Variants in GFOD2 observed in about 807,000 individuals in gnomAD.
The protein encoded by GFOD2 is Gfo/Idh/MocA-like oxidoreductase domain containing 2.
GFOD2 carries 9 observed loss-of-function variants against 24.6 expected under a neutral mutation model. The ratio of observed to expected loss-of-function variants is 0.37; its 90% CI spans 0.22 to 0.64. The LOEUF (loss-of-function observed/expected upper bound fraction) is 0.64, where lower values mean the gene tolerates loss of function less well. GFOD2 is among the 30% of genes least tolerant of loss of function. GFOD2 has a pLI of 0.65. For missense variants in GFOD2, 476 were observed against 532.5 expected, an observed-to-expected ratio of 0.89 and a Z score of 1.04; for synonymous variants, 211 against 224.8, an observed-to-expected ratio of 0.94 and a Z score of 0.55.
intron 1 of GFOD2, among the ~76,000 whole-genome samples, chr16:67,702,727 G>C (rs1351941302): frequency 1.3e-5 from 2 of 151,062 alleles, no homozygotes; most frequent in African/African-American, 2.4e-5. Flanking sequence ...AACCTCCCGA[G>C]TAGCTGGGAT....
At chr16:67,698,681 A>T (rs1597799507) in intron 1 of GFOD2, among the ~76,000 whole-genome samples, 1 of 152,114 alleles carries the variant, frequency 6.6e-6, no homozygotes, top group South Asian at 2.1e-4. Context: ...GTTTCCCCAT[A>T]TTGGCCAGGC....
chr16:67,715,351 C>T (rs947359055), intron 1 of GFOD2, among the ~76,000 whole-genome samples: 3 of 152,300 alleles, frequency 2.0e-5, no homozygotes, highest in Middle Eastern at 3.4e-3. Context: ...TGAGCCACCG[C>T]GCCTGGCTCT....
chr16:67,691,507 G>C (rs1597796150), intron 1 of GFOD2, among the ~76,000 whole-genome samples: 1 of 135,878 alleles, frequency 7.4e-6, no homozygotes, highest in Non-Finnish European at 1.5e-5. Context: ...ACTGTGCCTA[G>C]ACCCCCCCCC....
chr16:67,714,473 C>CA (rs1265596335), intron 1 of GFOD2, among the ~76,000 whole-genome samples: 1,161 of 53,268 alleles, frequency 0.022, 12 homozygotes, highest in East Asian at 0.056. Flanking sequence ...AACACTGTCT[C>CA]AAAAAAAAAA....
At chr16:67,683,527 G>T in intron 2 of GFOD2, 1 of 1,231,740 alleles carries the variant, frequency 8.1e-7, no homozygotes, top group Non-Finnish European at 1.0e-6. Flanking sequence ...GACCTCCCAA[G>T]CATTTGGTGA....
chr16:67,704,228 A>T (rs1484615797), intron 1 of GFOD2, among the ~76,000 whole-genome samples: 2 of 152,176 alleles, frequency 1.3e-5, no homozygotes, highest in Non-Finnish European at 2.9e-5. Flanking sequence ...ATTTAGTTTA[A>T]TTTGGGTGAC....
At chr16:67,681,680 AT>A in intron 2 of GFOD2, 1 of 973,456 alleles carries the variant, frequency 1.0e-6, no homozygotes, top group Non-Finnish European at 1.2e-6. Flanking sequence ...AAAGTGCTGG[AT>A]TAGAGGTGTG....
intron 2 of GFOD2, among the ~76,000 whole-genome samples, chr16:67,680,154 C>A (rs920323710): frequency 5.9e-5 from 9 of 152,206 alleles, no homozygotes; most frequent in African/African-American, 2.2e-4. Context: ...CCTTGGCCTC[C>A]CAAAGTGCCA....
Position 67,716,271 on chromosome 16 carries a change from G to A in GFOD2, c.-88+2892C>T, listed in dbSNP as rs1268893196. ...GGTAGGGTTTCCTCATGGTTGGCCTGTCAAACACTGTTGATTACTTTATTA... is the reference window on the plus strand; with the variant it reads ...GGTAGGGTTTCCTCATGGTTGGCCTATCAAACACTGTTGATTACTTTATTA... On this transcript the variant is annotated intron_variant, in intron 1 of 2. Coordinates refer to ENST00000268797, the MANE Select transcript of GFOD2 (RefSeq NM_030819.4). 5.3e-5 allele frequency among the ~76,000 whole-genome samples: 8 copies of A among 152,306 alleles called. No homozygotes were observed. In the East Asian group the frequency reaches 1.3e-3, roughly 26 times the overall value.
intron 2 of GFOD2, chr16:67,683,003 G>T: frequency 3.3e-6 from 1 of 305,156 alleles, no homozygotes; most frequent in Non-Finnish European, 4.8e-6. Context: ...GTCTTACTCT[G>T]TCACTCAAGC....
At chr16:67,709,743 TA>T (rs2053460511) in intron 1 of GFOD2, among the ~76,000 whole-genome samples, 1 of 151,764 alleles carries the variant, frequency 6.6e-6, no homozygotes, top group Non-Finnish European at 1.5e-5. Context: ...GCCCCCTGAG[TA>T]GCTAGGACCA....
At chr16:67,692,015 C>CGT (rs536481971) in intron 1 of GFOD2, among the ~76,000 whole-genome samples, 125 of 151,874 alleles carry the variant, frequency 8.2e-4, no homozygotes, top group Non-Finnish European at 1.4e-3. Flanking sequence ...AAATTCTACT[C>CGT]GTGTGTGTGT....
intron 2 of GFOD2, chr16:67,681,852 G>A (rs1231884494): frequency 1.0e-6 from 1 of 985,160 alleles, no homozygotes; most frequent in East Asian, 1.1e-4. Context: ...AGTTTATCTA[G>A]CTCTCCTGCC....
At chr16:67,697,892 G>A (rs1323148891) in intron 1 of GFOD2, among the ~76,000 whole-genome samples, 3 of 152,218 alleles carry the variant, frequency 2.0e-5, no homozygotes, top group Non-Finnish European at 4.4e-5. Flanking sequence ...AGTCAGCAAG[G>A]TGAGTAGGAG....
rs548686048 is a variant in GFOD2, at chr16:67,690,317, C to A, written c.-87-4515G>T. 2.0e-4 allele frequency among the ~76,000 whole-genome samples: 31 copies of A among 152,258 alleles called. 1 individual carries two copies. The South Asian group carries it at 4.1e-3, about 20-fold the overall frequency. ...GCGTGCAAGACTTCTGATTTCTCCA[C>A]GTCCTCACCAACCCTTGTTATTTTC... On this transcript the variant is annotated intron_variant, in intron 1 of 2. Coordinates refer to ENST00000268797, the MANE Select transcript of GFOD2 (RefSeq NM_030819.4).
chr16:67,694,787 T>C (rs545664814), intron 1 of GFOD2, among the ~76,000 whole-genome samples: 2 of 152,290 alleles, frequency 1.3e-5, no homozygotes, highest in South Asian at 2.1e-4. Context: ...AAATTACACA[T>C]GACTTGGGCT....
intron 1 of GFOD2, among the ~76,000 whole-genome samples, chr16:67,709,944 T>G (rs1490641328): frequency 6.7e-6 from 1 of 149,168 alleles, no homozygotes; most frequent in Non-Finnish European, 1.5e-5. Flanking sequence ...GCCTTATGTT[T>G]ATCTATTTTT....
intron 1 of GFOD2, among the ~76,000 whole-genome samples, chr16:67,698,476 T>TTTTTTC (rs1158073814): frequency 1.3e-5 from 2 of 152,208 alleles, no homozygotes; most frequent in Non-Finnish European, 2.9e-5. Context: ...CCATTGGATT[T>TTTTTTC]TTTTTCTTTT....
At chr16:67,681,277 C>G in intron 2 of GFOD2, 1 of 985,332 alleles carries the variant, frequency 1.0e-6, no homozygotes, top group Non-Finnish European at 1.2e-6. Flanking sequence ...CAGTGTGAGG[C>G]AGAGAGGAGG....
Sources: gnomAD v4.1 joint callset for allele counts (sites outside exome capture counted in the v4.1 genomes callset) on GRCh38, gnomAD v4.1.1 for gene constraint, MANE v1.5 for transcripts, NCBI Gene and HGNC (gene_info 2026-07-23, HGNC 2026-07-21) for gene names.